TMEM179: variants seen among roughly 807,000 people sequenced by gnomAD.
TMEM179 encodes the protein transmembrane protein 179.
Under a neutral mutation model 22.2 loss-of-function variants are expected in TMEM179, and 17 were observed. That is an observed-to-expected ratio of 0.77 (90% CI 0.52 to 1.15). TMEM179 has a LOEUF of 1.15. TMEM179 is among the 50% of genes most tolerant of loss of function. TMEM179 has a pLI of 0.00. For missense variants in TMEM179, 265 were observed against 313.6 expected, an observed-to-expected ratio of 0.84 and a Z score of 1.17; for synonymous variants, 127 against 140.5, an observed-to-expected ratio of 0.90 and a Z score of 0.68.
chr14:104,601,583 C>T (rs1202049338), intron 1 of TMEM179, among the ~76,000 whole-genome samples: 4 of 152,020 alleles, frequency 2.6e-5, no homozygotes, highest in Non-Finnish European at 5.9e-5. Flanking sequence ...AGCCGTCTGC[C>T]AATGGACTGT....
Position 104,591,207 on chromosome 14 carries a change from G to C in TMEM179, c.*2272C>G. The C allele has an allele frequency of 2.7e-6, 1 of 365,054 alleles. No homozygotes were observed. Among genetic ancestry groups the C allele is most frequent in the Non-Finnish European group, 5.4e-6 (1 of 185,628 alleles). The allele number at this position is 365,054 out of a possible 1,614,324, so 22.6% of individuals were successfully genotyped here. On this transcript the variant is annotated 3_prime_UTR_variant, in exon 4 of 4. Transcript: ENST00000556573. ...GAGGATTTCCATCACCCTGGCCATGGGGCTGTTCCACACCTGCTCCTGGGA... is the reference window on the plus strand; with the variant it reads ...GAGGATTTCCATCACCCTGGCCATGCGGCTGTTCCACACCTGCTCCTGGGA...
chr14:104,601,375 C>T (rs1379370998), intron 1 of TMEM179, among the ~76,000 whole-genome samples: 1 of 152,212 alleles, frequency 6.6e-6, no homozygotes, highest in Non-Finnish European at 1.5e-5. Context: ...TCCTACGCAC[C>T]ATCCCCTGTG....
At chr14:104,594,607 G>C in intron 3 of TMEM179, 1 of 1,229,176 alleles carries the variant, frequency 8.1e-7, no homozygotes, top group African/African-American at 1.5e-5. Flanking sequence ...GTCCCTCAGA[G>C]TGGGGGCCAC....
rs908702611 is a variant in TMEM179, at chr14:104,594,068, C to T, written c.523-410G>A. 4 of 1,232,826 alleles carry T rather than the reference C, an allele frequency of 3.2e-6. No individual in the cohort carries two copies. In the African/African-American group the frequency reaches 6.2e-5, roughly 19 times the overall value. The allele number at this position is 1,232,826 out of a possible 1,614,324, so 76.4% of individuals were successfully genotyped here. On this transcript the variant is annotated intron_variant, in intron 3 of 3. Transcript: ENST00000556573. ...CCTCCAACCACCGGAATAAATTGAC[C>T]TTTAGCCGCTGTTTCCAAACAGTTG... is the stretch of plus-strand genomic sequence containing the variant.
At chr14:104,603,036 C>T (rs2140499850) in intron 1 of TMEM179, among the ~76,000 whole-genome samples, 1 of 152,312 alleles carries the variant, frequency 6.6e-6, no homozygotes, top group African/African-American at 2.4e-5. Flanking sequence ...AGCAAAGGCG[C>T]CCTGTGAGGA....
chr14:104,601,819 C>T (rs1887249666), intron 1 of TMEM179, among the ~76,000 whole-genome samples: 1 of 152,142 alleles, frequency 6.6e-6, no homozygotes, highest in Non-Finnish European at 1.5e-5. Context: ...CCGGACCTGA[C>T]CTCCAGTGGG....
At position 104,603,229 on chromosome 14, in the gene TMEM179, C is replaced by T. The variant is rs547449834; in HGVS notation, c.305+1208G>A. 7.5e-4 allele frequency among the ~76,000 whole-genome samples: 115 copies of T among 152,340 alleles called. 3 individuals are homozygous for T. The South Asian group carries it at 0.023, about 31-fold the overall frequency. On this transcript the variant is annotated intron_variant, in intron 1 of 3. Coordinates refer to ENST00000556573, the MANE Select transcript of TMEM179 (RefSeq NM_001286389.2). ...CCTGAAGCCCCTCTTCTTCCCCTCT[C>T]TGGCCCCTCTCTCAGCCAAAACCAA...
chr14:104,593,114 G>T lies in TMEM179; in HGVS notation c.*365C>A, dbSNP rs1886896115. On this transcript the variant is annotated 3_prime_UTR_variant, in exon 4 of 4. Transcript: ENST00000556573. The stretch of plus-strand genomic sequence containing the variant: ...GGCCACCCCTGGGCCAGCTGGCATG[G>T]AGACAGCATCCGGCCAGGGTTGGGG... 4 of 312,426 alleles carry T rather than the reference G, an allele frequency of 1.3e-5. No homozygotes were observed. Among genetic ancestry groups the T allele is most frequent in the African/African-American group, 2.1e-5 (1 of 46,574 alleles). The allele number at this position is 312,426 out of a possible 1,614,324, so 19.4% of individuals were successfully genotyped here.
intron 3 of TMEM179, chr14:104,594,896 C>T: frequency 5.0e-6 from 5 of 997,572 alleles, no homozygotes; most frequent in South Asian, 2.3e-5. Context: ...CCCCACACTT[C>T]CCACCCCAGA....
At chr14:104,594,505 G>C (rs1372171521) in intron 3 of TMEM179, 3 of 1,231,680 alleles carry the variant, frequency 2.4e-6, no homozygotes, top group African/African-American at 3.1e-5. Flanking sequence ...CACATCTGCA[G>C]ATTTCAAGGG....
rs112196905 is a variant in TMEM179, at chr14:104,592,542, G to A, written c.*937C>T. ...CTCATGCACACTCATATCCTCCCATGCAGTCACACACTCTCACATGCAGTC... is the reference window on the plus strand; with the variant it reads ...CTCATGCACACTCATATCCTCCCATACAGTCACACACTCTCACATGCAGTC... On this transcript the variant is annotated 3_prime_UTR_variant, in exon 4 of 4. Coordinates refer to ENST00000556573, the MANE Select transcript of TMEM179 (RefSeq NM_001286389.2). The A allele has an allele frequency of 0.047, 7,151 of 152,248 alleles. 236 individuals carry two copies. The highest frequency in any genetic ancestry group is 0.08 in the Middle Eastern group (23 of 288). The allele number at this position is 152,248 out of a possible 1,614,324, so 9.4% of individuals were successfully genotyped here. A position where few individuals can be genotyped will look rare whatever the true frequency, so the allele number is the denominator to read the frequency against.
In TMEM179 at chr14:104,595,294, G is replaced by A. The variant is rs779292682; in HGVS notation, c.444-51C>T. On this transcript the variant is annotated intron_variant, in intron 2 of 3. Coordinates refer to ENST00000556573, the MANE Select transcript of TMEM179 (RefSeq NM_001286389.2). This position sits in a 1 kb window ranked among gnomAD's most constrained non-coding sequence, Gnocchi z 5.7. ...GGGTGACCACCAGGACAGCCAGTGC[G>A]GGACATGGCTGAGCCGCTGGCCAGA... 6.8e-5 allele frequency: 106 copies of A among 1,557,838 alleles called. No homozygotes were observed. The highest frequency in any genetic ancestry group is 8.0e-5 in the Non-Finnish European group (91 of 1,140,900).
chr14:104,601,736 A>C (rs1887246984), intron 1 of TMEM179, among the ~76,000 whole-genome samples: 2 of 152,094 alleles, frequency 1.3e-5, no homozygotes, highest in African/African-American at 4.8e-5. Context: ...GGATTGGTGA[A>C]CCCCTGAACT....
rs1476361685 is a variant in TMEM179, at chr14:104,595,200, T to C, written c.487A>G (p.Asn163Asp). Residue 163 changes from asparagine (N) to aspartate (D), a missense_variant, in exon 3 of 4, where the codon AAC (asparagine) becomes GAC (aspartate). Asn to Asp is a conservative substitution (Grantham distance 23). Transcript: ENST00000556573. This position sits in a 1 kb window ranked among gnomAD's most constrained non-coding sequence, Gnocchi z 5.7. Reference protein sequence around the residue: ...QDIDLELGVDNSAFYDQFAIA... With the variant: ...QDIDLELGVDDSAFYDQFAIA... ...GCAAACTGATCGTAGAAGGCGGAGT[T>C]GTCCACGCCCAGCTCCAAGTCGATG... 1.9e-6 allele frequency: 3 copies of C among 1,613,568 alleles called. No homozygotes were observed. The highest frequency in any genetic ancestry group is 2.5e-6 in the Non-Finnish European group (3 of 1,179,944).
chr14:104,596,003 A>G (rs1214670235), intron 2 of TMEM179, among the ~76,000 whole-genome samples: 3 of 152,236 alleles, frequency 2.0e-5, no homozygotes, highest in Non-Finnish European at 4.4e-5. Flanking sequence ...ACTCTTGGGA[A>G]GCAGGTGGCC....
At chr14:104,602,173 G>A (rs114410280) in intron 1 of TMEM179, among the ~76,000 whole-genome samples, 7,502 of 152,268 alleles carry the variant, frequency 0.049, 617 homozygotes, top group African/African-American at 0.17. Flanking sequence ...GGCATCCCTG[G>A]GCCTGCCGCC....
In TMEM179 at chr14:104,592,919, C is replaced by T. The variant is rs557402813; in HGVS notation, c.*560G>A. The T allele has an allele frequency of 1.3e-3, 202 of 156,388 alleles. No homozygotes were observed. The highest frequency in any genetic ancestry group is 3.3e-3 in the Middle Eastern group (1 of 302). The allele number at this position is 156,388 out of a possible 1,614,324, so 9.7% of individuals were successfully genotyped here. ...CAGGCCTCAGAAGCCTCCCTGAGCC[C>T]GGCCACAGGGTCTCCCAGGCCTATG... On this transcript the variant is annotated 3_prime_UTR_variant, in exon 4 of 4. Coordinates refer to ENST00000556573, the MANE Select transcript of TMEM179 (RefSeq NM_001286389.2).
chr14:104,595,475 A>G lies in TMEM179; in HGVS notation c.444-232T>C, dbSNP rs1220647838. ...AGGCCCCTCCCTGTCCTGGCCCTGG[A>G]CAGCCAGAAGACGCCAGCTCTGCCT... On this transcript the variant is annotated intron_variant, in intron 2 of 3. Transcript: ENST00000556573. The surrounding 1 kb of genome is among the most constrained non-coding windows in gnomAD (Gnocchi z 5.7). Among the ~76,000 whole-genome samples, 1 of 152,130 alleles carries G rather than the reference A, an allele frequency of 6.6e-6. No individual in the cohort carries two copies. The highest frequency in any genetic ancestry group is 2.4e-5 in the African/African-American group (1 of 41,420).
At chr14:104,600,551 C>T (rs1566745681) in intron 1 of TMEM179, among the ~76,000 whole-genome samples, 1 of 152,248 alleles carries the variant, frequency 6.6e-6, no homozygotes, top group Non-Finnish European at 1.5e-5. Flanking sequence ...GCAAGCCTCT[C>T]TGAAGCACAG....
Sources: allele counts gnomAD v4.1 joint callset (sites outside exome capture counted in the v4.1 genomes callset), GRCh38; gene constraint gnomAD v4.1.1; non-coding constraint Gnocchi (gnomAD v3.1); transcripts MANE v1.5; gene names NCBI Gene and HGNC (gene_info 2026-07-23, HGNC 2026-07-21).